The following NAALADL2 variants were observed in gnomAD, a reference collection of about 807,000 sequenced individuals.
NAALADL2 encodes inactive N-acetylated-alpha-linked acidic dipeptidase-like protein 2.
A neutral mutation model predicts 87.2 loss-of-function variants in NAALADL2; 76 were observed. The ratio of observed to expected loss-of-function variants is 0.87; its 90% CI spans 0.72 to 1.05. NAALADL2 has a LOEUF of 1.05. Ranked by LOEUF, NAALADL2 falls within the 50% of genes least tolerant of loss-of-function variation. The probability of loss-of-function intolerance (pLI) is 0.00; values close to 1 mark genes in which losing one functional copy is unlikely to be tolerated. For missense variants in NAALADL2, 1,089 were observed against 945.8 expected, an observed-to-expected ratio of 1.15 and a Z score of -1.99; for synonymous variants, 354 against 331.0, an observed-to-expected ratio of 1.07 and a Z score of -0.75.
At chr3:175,343,655 GTTTTTTTTT>G (rs113806607) in intron 5 of NAALADL2, among the ~76,000 whole-genome samples, 3 of 64,722 alleles carry the variant, frequency 4.6e-5, no homozygotes, top group Middle Eastern at 8.3e-3. Flanking sequence ...TCTTGATCAT[GTTTTTTTTT>G]TTTTTTTTTT....
intron 11 of NAALADL2, among the ~76,000 whole-genome samples, chr3:175,666,571 A>T: frequency 6.6e-6 from 1 of 152,314 alleles, no homozygotes; most frequent in East Asian, 1.9e-4. Flanking sequence ...TCTGGCTGGA[A>T]ATTTAAACAA....
intron 9 of NAALADL2, among the ~76,000 whole-genome samples, chr3:175,575,067 C>T (rs1013814181): frequency 6.6e-6 from 1 of 152,026 alleles, no homozygotes; most frequent in East Asian, 1.9e-4. Flanking sequence ...GTTTCATTTT[C>T]GTAAAGCTGC....
intron 11 of NAALADL2, among the ~76,000 whole-genome samples, chr3:175,681,127 A>C (rs770873657): frequency 5.3e-5 from 8 of 152,122 alleles, no homozygotes; most frequent in Non-Finnish European, 1.0e-4. Context: ...AAAACAAAAC[A>C]AACAAAAAAC....
At chr3:174,944,251 G>T (rs1453883409) in intron 1 of NAALADL2, among the ~76,000 whole-genome samples, 1 of 152,122 alleles carries the variant, frequency 6.6e-6, no homozygotes, top group Non-Finnish European at 1.5e-5. Context: ...CGATTAGGAG[G>T]TCCCACCCAG....
intron 1 of NAALADL2, among the ~76,000 whole-genome samples, chr3:175,091,292 C>A (rs148103022): frequency 6.6e-6 from 1 of 152,046 alleles, no homozygotes; most frequent in South Asian, 2.1e-4. Flanking sequence ...TTTGATGATG[C>A]CCTGACATTT....
intron 1 of NAALADL2, among the ~76,000 whole-genome samples, chr3:174,965,219 C>T (rs943077904): frequency 5.3e-5 from 8 of 152,120 alleles, no homozygotes; most frequent in African/African-American, 1.2e-4. Context: ...TGGCCATTGG[C>T]GGGAGGCCAC....
At chr3:175,491,072 T>C (rs1249954353) in intron 9 of NAALADL2, among the ~76,000 whole-genome samples, 1 of 151,576 alleles carries the variant, frequency 6.6e-6, no homozygotes, top group Non-Finnish European at 1.5e-5. Flanking sequence ...TTCAGATAAG[T>C]CTGTCCAAGC....
At chr3:174,881,039 A>G (rs944803325) in intron 1 of NAALADL2, among the ~76,000 whole-genome samples, 3 of 152,042 alleles carry the variant, frequency 2.0e-5, no homozygotes, top group African/African-American at 7.2e-5. Flanking sequence ...TTCTCTTTTA[A>G]GGATACCTAT....
intron 5 of NAALADL2, among the ~76,000 whole-genome samples, chr3:175,373,849 C>G (rs907084656): frequency 5.3e-5 from 8 of 152,104 alleles, no homozygotes; most frequent in Admixed American, 5.2e-4. Flanking sequence ...TTTTAACAAT[C>G]TAATATGTGT....
At chr3:174,688,633 A>C (rs767435286) in intron 2 of NAALADL2, among the ~76,000 whole-genome samples, 1 of 152,080 alleles carries the variant, frequency 6.6e-6, no homozygotes, top group African/African-American at 2.4e-5. Flanking sequence ...GAATAAATGA[A>C]GAGACAGTTT....
intron 9 of NAALADL2, among the ~76,000 whole-genome samples, chr3:175,478,022 C>A (rs1266622831): frequency 6.6e-6 from 1 of 151,996 alleles, no homozygotes; most frequent in Middle Eastern, 3.2e-3. Context: ...AGCTTAATTT[C>A]TTTTCTGCTT....
At chr3:175,367,683 T>C (rs1452406864) in intron 5 of NAALADL2, among the ~76,000 whole-genome samples, 1 of 152,120 alleles carries the variant, frequency 6.6e-6, no homozygotes, top group Non-Finnish European at 1.5e-5. Context: ...TAAGAATGCT[T>C]GTGATTTTTG....
At chr3:175,276,030 T>C (rs2110048001) in intron 4 of NAALADL2, among the ~76,000 whole-genome samples, 1 of 151,464 alleles carries the variant, frequency 6.6e-6, no homozygotes, top group African/African-American at 2.4e-5. Flanking sequence ...TACAAAACTA[T>C]AGCCACATGA....
At chr3:174,734,509 T>A (rs1478486127) in intron 2 of NAALADL2, among the ~76,000 whole-genome samples, 1 of 152,294 alleles carries the variant, frequency 6.6e-6, no homozygotes, top group South Asian at 2.1e-4. Context: ...TGTCAGGTTC[T>A]TACATGGCAG....
intron 2 of NAALADL2, among the ~76,000 whole-genome samples, chr3:174,695,715 T>C (rs978337663): frequency 6.6e-6 from 1 of 152,054 alleles, no homozygotes; most frequent in Non-Finnish European, 1.5e-5. Context: ...CATAGAACTA[T>C]AGACATTAAA....
chr3:175,189,515 A>T (rs1409707290), intron 2 of NAALADL2, among the ~76,000 whole-genome samples: 1 of 152,226 alleles, frequency 6.6e-6, no homozygotes, highest in Non-Finnish European at 1.5e-5. Flanking sequence ...AATAAACCTA[A>T]GGAGGTAAAA....
At chr3:175,737,239 A>G in intron 11 of NAALADL2, 67 bp from the exon 12 acceptor site, 1 of 931,454 alleles carries the variant, frequency 1.1e-6, no homozygotes, top group Non-Finnish European at 1.7e-6. Context: ...TGAAATAATG[A>G]AAAACAAACA....
chr3:174,537,216 G>A (rs772589247), intron 1 of NAALADL2, among the ~76,000 whole-genome samples: 10 of 152,122 alleles, frequency 6.6e-5, no homozygotes, highest in Non-Finnish European at 1.3e-4. Context: ...AATTAATATG[G>A]ATTTGGAAAA....
chr3:175,767,212 T>TA (rs139029191), intron 13 of NAALADL2, among the ~76,000 whole-genome samples: 4,834 of 151,818 alleles, frequency 0.032, 241 homozygotes, highest in African/African-American at 0.11. Flanking sequence ...TTTAACTGAT[T>TA]AAAAAAAATA....
Sources: allele counts gnomAD v4.1 joint callset (sites outside exome capture counted in the v4.1 genomes callset), GRCh38; gene constraint gnomAD v4.1.1; transcripts MANE v1.5; gene names NCBI Gene and HGNC (gene_info 2026-07-23, HGNC 2026-07-21).